Variants in COPG2 observed in about 807,000 individuals in gnomAD.
COPG2 encodes the protein coatomer subunit gamma-2.
A neutral mutation model predicts 46.3 loss-of-function variants in COPG2; 37 were observed. The observed-to-expected ratio is 0.80, with a 90% CI of 0.61 to 1.05. The LOEUF (loss-of-function observed/expected upper bound fraction) is 1.05, where lower values mean the gene tolerates loss of function less well. COPG2 is among the 50% of genes least tolerant of loss of function. The pLI is 0.00. For synonymous variants in COPG2, 159 were observed against 129.7 expected, an observed-to-expected ratio of 1.23 and a Z score of -1.53; for missense variants, 427 against 387.8, an observed-to-expected ratio of 1.10 and a Z score of -0.85.
chr7:130,548,877 C>T (rs1231909155), intron 18 of COPG2, among the ~76,000 whole-genome samples: 1 of 151,688 alleles, frequency 6.6e-6, no homozygotes, highest in Non-Finnish European at 1.5e-5. Flanking sequence ...GGTATTGTGC[C>T]ACTGCACTCC....
intron 4 of COPG2, among the ~76,000 whole-genome samples, chr7:130,658,600 G>A (rs1795904397): frequency 6.6e-6 from 1 of 151,582 alleles, no homozygotes; most frequent in East Asian, 1.9e-4. Flanking sequence ...AGACTGGGAG[G>A]AAATATTTAC....
chr7:130,623,821 G>T (rs1025812875), intron 5 of COPG2, among the ~76,000 whole-genome samples: 1 of 151,578 alleles, frequency 6.6e-6, no homozygotes, highest in Non-Finnish European at 1.5e-5. Flanking sequence ...CTTGTCTCAA[G>T]GAAAAAAATT....
intron 5 of COPG2, among the ~76,000 whole-genome samples, chr7:130,625,509 TA>T (rs1230029244): frequency 3.3e-4 from 48 of 145,244 alleles, no homozygotes; most frequent in South Asian, 6.5e-4. Context: ...GTTTCCCCAT[TA>T]AAAAAAAAAG....
At chr7:130,668,586 G>A (rs782377798) in intron 1 of COPG2, 46 bp downstream of exon 1, 2 of 1,484,008 alleles carry the variant, frequency 1.3e-6, no homozygotes, top group Non-Finnish European at 1.8e-6. Context: ...GGCGGGGGAA[G>A]GGGCGTCCCG....
chr7:130,591,635 G>A (rs1278093311), intron 9 of COPG2, among the ~76,000 whole-genome samples: 13 of 142,554 alleles, frequency 9.1e-5, no homozygotes, highest in East Asian at 2.2e-4. Flanking sequence ...CAGCCGCCCC[G>A]TCCGGTTGGT....
intron 20 of COPG2, among the ~76,000 whole-genome samples, chr7:130,518,715 G>C (rs1819515836): frequency 6.6e-6 from 1 of 152,154 alleles, no homozygotes; most frequent in East Asian, 1.9e-4. Flanking sequence ...ATAAAAAAGA[G>C]TGAGTAGGCT....
At chr7:130,553,282 T>A (rs1475518827) in intron 14 of COPG2, among the ~76,000 whole-genome samples, 3 of 151,904 alleles carry the variant, frequency 2.0e-5, no homozygotes, top group Admixed American at 1.3e-4. Context: ...TCAACATTAT[T>A]ATTAAAGGAT....
At chr7:130,637,614 G>A (rs1795369472) in intron 5 of COPG2, among the ~76,000 whole-genome samples, 1 of 152,054 alleles carries the variant, frequency 6.6e-6, no homozygotes, top group Admixed American at 6.5e-5. Context: ...ATTCTACTTA[G>A]CAACTCCTCT....
chr7:130,607,506 G>T lies in COPG2; in HGVS notation c.737+3447C>A, dbSNP rs782141009. On this transcript the variant is annotated intron_variant, in intron 9 of 23. Coordinates refer to ENST00000425248, the MANE Select transcript of COPG2 (RefSeq NM_012133.6). ...ATGGAGTTTCTTTAGCAAGAAGCTT[G>T]GCTGGGATCAAACTCCAAACTTTAT... The T allele has an allele frequency of 1.1e-4, 46 of 431,062 alleles. No homozygotes were observed. In the Middle Eastern group the frequency reaches 1.7e-3, roughly 16 times the overall value. The allele number at this position is 431,062 out of a possible 1,614,324, so 26.7% of individuals were successfully genotyped here.
chr7:130,623,623 A>G (rs1180027363), intron 5 of COPG2, among the ~76,000 whole-genome samples: 2 of 152,060 alleles, frequency 1.3e-5, no homozygotes, highest in African/African-American at 4.8e-5. Flanking sequence ...TTTCATTGGG[A>G]TTCCATTGAA....
Position 130,668,739 on chromosome 7 carries a change from C to A in COPG2, c.-71G>T. 3 of 1,481,506 alleles carry A rather than the reference C, an allele frequency of 2.0e-6. No homozygotes were observed. Among genetic ancestry groups the A allele is most frequent in the Non-Finnish European group, 2.7e-6 (3 of 1,108,424 alleles). The allele number at this position is 1,481,506 out of a possible 1,614,324, so 91.8% of individuals were successfully genotyped here. A position where few individuals can be genotyped will look rare whatever the true frequency, so the allele number is the denominator to read the frequency against. On this transcript the variant is annotated 5_prime_UTR_variant, in exon 1 of 24. Coordinates refer to ENST00000425248, the MANE Select transcript of COPG2 (RefSeq NM_012133.6). ...CGCCGCAGCCGGCGAGCGGAAGAGG[C>A]TGCAGGAAGGCCGGCCCCGCGCTCT...
At chr7:130,551,415 A>T (rs1370660430) in intron 15 of COPG2, 71 bp from the exon 16 acceptor site, 4 of 396,948 alleles carry the variant, frequency 1.0e-5, no homozygotes, top group Non-Finnish European at 1.8e-5. Context: ...TACCAAATCT[A>T]AAGGACACAG....
intron 5 of COPG2, among the ~76,000 whole-genome samples, chr7:130,640,530 TC>T (rs1460235474): frequency 6.6e-6 from 1 of 152,140 alleles, no homozygotes; most frequent in East Asian, 1.9e-4. Flanking sequence ...CTCCTGGCTT[TC>T]CCTTTTATTC....
rs1270078580 is a variant in COPG2 at position 130,513,327 on chromosome 7, A to ATGTGTGTGTGTG, written c.2150-4669_2150-4668insCACACACACACA. ...AAAAAAAATATATATATATATATAT[A>ATGTGTGTGTGTG]TATATATATATATATGTGTGTGTGT... is the stretch of plus-strand genomic sequence containing the variant. On this transcript the variant is annotated intron_variant, in intron 20 of 23. Coordinates refer to ENST00000425248, the MANE Select transcript of COPG2 (RefSeq NM_012133.6). Among the ~76,000 whole-genome samples the ATGTGTGTGTGTG allele has an allele frequency of 8.2e-5, 5 of 61,090 alleles. 1 individual carries two copies. The highest frequency in any genetic ancestry group is 2.7e-4 in the African/African-American group (5 of 18,370). The allele number at this position is 61,090 out of a possible 152,430, so 40.1% of individuals were successfully genotyped here. A position where few individuals can be genotyped will look rare whatever the true frequency, so the allele number is the denominator to read the frequency against.
intron 5 of COPG2, among the ~76,000 whole-genome samples, chr7:130,621,942 T>TG (rs1563062186): frequency 1.8e-5 from 1 of 54,144 alleles, no homozygotes; most frequent in Non-Finnish European, 3.0e-5. Flanking sequence ...AGACTCCATC[T>TG]CAAAAAAAAA....
intron 9 of COPG2, among the ~76,000 whole-genome samples, chr7:130,604,049 C>G (rs558693977): frequency 3.9e-5 from 6 of 152,082 alleles, no homozygotes; most frequent in Non-Finnish European, 7.4e-5. Flanking sequence ...GAAAGTGGAT[C>G]ATCATAAAGG....
intron 5 of COPG2, among the ~76,000 whole-genome samples, chr7:130,643,251 C>T (rs182292460): frequency 9.2e-4 from 139 of 151,352 alleles, no homozygotes; most frequent in African/African-American, 2.7e-3. Flanking sequence ...GCCAAGATCG[C>T]GCCACTGCAC....
intron 20 of COPG2, among the ~76,000 whole-genome samples, chr7:130,546,067 A>G (rs963655775): frequency 1.3e-5 from 2 of 152,322 alleles, no homozygotes; most frequent in South Asian, 2.1e-4. Flanking sequence ...TGATTCTTCA[A>G]TGGGTTCAGC....
chr7:130,600,278 T>G (rs1011692452), intron 9 of COPG2, among the ~76,000 whole-genome samples: 8 of 152,206 alleles, frequency 5.3e-5, no homozygotes, highest in African/African-American at 1.9e-4. Flanking sequence ...ATTTATTTAT[T>G]TTTTGAGACA....
Sources: allele counts gnomAD v4.1 joint callset (sites outside exome capture counted in the v4.1 genomes callset), GRCh38; gene constraint gnomAD v4.1.1; transcripts MANE v1.5; gene names NCBI Gene and HGNC (gene_info 2026-07-23, HGNC 2026-07-21).